The following SMYD3 variants were observed in gnomAD, a reference collection of about 807,000 sequenced individuals.
The protein encoded by SMYD3 is histone-lysine N-methyltransferase SMYD3.
A neutral mutation model predicts 57.7 loss-of-function variants in SMYD3; 36 were observed. The observed-to-expected ratio is 0.62, with a 90% CI of 0.48 to 0.82. SMYD3 has a LOEUF of 0.82. Among genes scored for constraint, SMYD3 ranks in the 40% least tolerant of loss-of-function variants. The pLI, the probability that SMYD3 is intolerant of heterozygous loss-of-function variation, is 0.00. For synonymous variants in SMYD3, 211 were observed against 195.0 expected (o/e 1.08, Z -0.68); for missense variants, 515 against 538.8 (o/e 0.96, Z 0.44).
chr1:246,234,682 A>G (rs1244026957), intron 5 of SMYD3, among the ~76,000 whole-genome samples: 2 of 152,244 alleles, frequency 1.3e-5, no homozygotes, highest in East Asian at 3.8e-4. Flanking sequence ...TATTTCATAT[A>G]ATAGAATATT....
intron 1 of SMYD3, among the ~76,000 whole-genome samples, chr1:246,476,233 C>G (rs987877599): frequency 6.6e-6 from 1 of 152,182 alleles, no homozygotes; most frequent in Non-Finnish European, 1.5e-5. Context: ...GTACCATCAT[C>G]GTCACTGTTT....
intron 10 of SMYD3, among the ~76,000 whole-genome samples, chr1:245,855,086 T>G (rs1223146689): frequency 6.6e-6 from 1 of 152,120 alleles, no homozygotes; most frequent in Non-Finnish European, 1.5e-5. Flanking sequence ...ATGAGGCTGA[T>G]TTTTACCTTT....
At chr1:246,375,064 G>A (rs6665976) in intron 1 of SMYD3, among the ~76,000 whole-genome samples, 36,680 of 152,068 alleles carry the variant, frequency 0.24, 4,825 homozygotes, top group East Asian at 0.51. Context: ...TTGCACTCCA[G>A]CCTGGGCAAC....
intron 10 of SMYD3, among the ~76,000 whole-genome samples, chr1:245,780,473 C>T (rs1421356932): frequency 6.6e-6 from 1 of 151,996 alleles, no homozygotes; most frequent in East Asian, 1.9e-4. Context: ...TATGACAAAT[C>T]CCGAATAGGC....
At chr1:246,488,415 C>T (rs1180027204) in intron 1 of SMYD3, among the ~76,000 whole-genome samples, 2 of 152,158 alleles carry the variant, frequency 1.3e-5, no homozygotes, top group Admixed American at 6.5e-5. Context: ...TTAGGCTGGG[C>T]GTGGTGGCTC....
intron 10 of SMYD3, among the ~76,000 whole-genome samples, chr1:245,796,787 G>A (rs975099630): frequency 6.6e-6 from 1 of 152,186 alleles, no homozygotes; most frequent in Non-Finnish European, 1.5e-5. Context: ...GCTCTTTTAG[G>A]ACAGCTAGAT....
At chr1:246,306,769 C>T (rs945976850) in intron 5 of SMYD3, among the ~76,000 whole-genome samples, 1 of 152,176 alleles carries the variant, frequency 6.6e-6, no homozygotes, top group African/African-American at 2.4e-5. Context: ...CATTACAGAA[C>T]AAAACAGTCA....
chr1:246,504,646 C>T (rs1452884337), intron 1 of SMYD3, among the ~76,000 whole-genome samples: 1 of 151,974 alleles, frequency 6.6e-6, no homozygotes, highest in East Asian at 1.9e-4. Context: ...TTAATTGCTA[C>T]AAACTAACAT....
intron 5 of SMYD3, among the ~76,000 whole-genome samples, chr1:245,934,064 A>G (rs1430415384): frequency 6.6e-6 from 1 of 152,232 alleles, no homozygotes; most frequent in African/African-American, 2.4e-5. Flanking sequence ...TCTGAACACA[A>G]CTATACAGAG....
Position 246,236,888 on chromosome 1 carries a change from A to T in SMYD3, c.531+90313T>A, listed in dbSNP as rs191653026. On this transcript the variant is annotated intron_variant, in intron 5 of 11. Coordinates refer to ENST00000490107, the MANE Select transcript of SMYD3 (RefSeq NM_001167740.2). ...ATCTAAATTCTGAAAATGCACAAAGACTGGGAATACTATGGCCAAACCAAG... is the reference window on the plus strand; with the variant it reads ...ATCTAAATTCTGAAAATGCACAAAGTCTGGGAATACTATGGCCAAACCAAG... Among the ~76,000 whole-genome samples the T allele has an allele frequency of 4.5e-4, 68 of 152,236 alleles. 2 individuals are homozygous for T. Among genetic ancestry groups the T allele is most frequent in the Admixed American group, 4.4e-3 (67 of 15,294 alleles).
chr1:246,072,291 G>A (rs61386890), intron 5 of SMYD3, among the ~76,000 whole-genome samples: 3 of 33,800 alleles, frequency 8.9e-5, no homozygotes, highest in Admixed American at 3.3e-4. Context: ...TGGATGCATC[G>A]TGTTAGTTCT....
At chr1:245,960,727 C>CTAAATAAA (rs61051860) in intron 5 of SMYD3, among the ~76,000 whole-genome samples, 29,149 of 150,410 alleles carry the variant, frequency 0.19, 3,325 homozygotes, top group East Asian at 0.35. Flanking sequence ...GACTCTGTCT[C>CTAAATAAA]TAAATAAATA....
intron 10 of SMYD3, among the ~76,000 whole-genome samples, chr1:245,839,343 G>C (rs1157239282): frequency 6.6e-6 from 1 of 152,100 alleles, no homozygotes; most frequent in East Asian, 1.9e-4. Context: ...CTAAGTTTTT[G>C]TATTTTTAGT....
At position 245,889,851 on chromosome 1, in the gene SMYD3, A is replaced by G. The variant is rs560721223; in HGVS notation, c.813+25679T>C. Among the ~76,000 whole-genome samples the G allele has an allele frequency of 2.5e-4, 38 of 152,242 alleles. 1 individual carries two copies. The highest frequency in any genetic ancestry group is 1.9e-3 in the Admixed American group (29 of 15,300). ...TGACTTCAAATTATACTACAGAGCT[A>G]TAGTAACCAAAACAGCATGGTACTG... On this transcript the variant is annotated intron_variant, in intron 8 of 11. Transcript: ENST00000490107.
chr1:245,805,432 C>G (rs2048104152), intron 10 of SMYD3, among the ~76,000 whole-genome samples: 1 of 152,182 alleles, frequency 6.6e-6, no homozygotes, highest in African/African-American at 2.4e-5. Context: ...AGTAGCAGAA[C>G]AGTACTCAAT....
At chr1:245,913,414 T>C (rs2055159925) in intron 8 of SMYD3, among the ~76,000 whole-genome samples, 2 of 150,900 alleles carry the variant, frequency 1.3e-5, no homozygotes. Flanking sequence ...CTAATGTAAA[T>C]GACAAGTTAA....
At chr1:246,317,520 T>C (rs2065181960) in intron 5 of SMYD3, among the ~76,000 whole-genome samples, 2 of 152,268 alleles carry the variant, frequency 1.3e-5, no homozygotes, top group Non-Finnish European at 2.9e-5. Flanking sequence ...TTTTTGAATA[T>C]GTGAAAATTA....
chr1:246,230,125 C>A (rs575647435), intron 5 of SMYD3, among the ~76,000 whole-genome samples: 1 of 152,236 alleles, frequency 6.6e-6, no homozygotes, highest in South Asian at 2.1e-4. Flanking sequence ...GGTAATTCAC[C>A]GAACTTTTAG....
Position 246,267,499 on chromosome 1 carries a change from A to C in SMYD3, c.531+59702T>G, listed in dbSNP as rs141840411. Among the ~76,000 whole-genome samples, 838 of 152,306 alleles carry C rather than the reference A, an allele frequency of 5.5e-3. 10 individuals are homozygous for C. The highest frequency in any genetic ancestry group is 0.019 in the African/African-American group (789 of 41,568). ...GGAAACATTTTAAAGTTTTCATTTG[A>C]ACTTACTCCTCGTCCTCAAATGCCA... On this transcript the variant is annotated intron_variant, in intron 5 of 11. Coordinates refer to ENST00000490107, the MANE Select transcript of SMYD3 (RefSeq NM_001167740.2).
Sources: allele counts gnomAD v4.1 joint callset (sites outside exome capture counted in the v4.1 genomes callset), GRCh38; gene constraint gnomAD v4.1.1; transcripts MANE v1.5; gene names NCBI Gene and HGNC (gene_info 2026-07-23, HGNC 2026-07-21).